EPHA5: variants seen among roughly 807,000 people sequenced by gnomAD.
EPHA5 encodes the protein ephrin type-A receptor 5.
Under a neutral mutation model 105.0 loss-of-function variants are expected in EPHA5, and 60 were observed. The ratio of observed to expected loss-of-function variants is 0.57; its 90% CI spans 0.46 to 0.71. EPHA5 has a LOEUF of 0.71. Ranked by LOEUF, EPHA5 falls within the 30% of genes least tolerant of loss-of-function variation. The pLI is 0.00. For synonymous variants in EPHA5, 513 were observed against 449.1 expected (o/e 1.14, Z -1.80); for missense variants, 1,218 against 1,274.7 (o/e 0.96, Z 0.68).
At chr4:65,622,045 C>T (rs1745747455) in intron 2 of EPHA5, among the ~76,000 whole-genome samples, 1 of 152,094 alleles carries the variant, frequency 6.6e-6, no homozygotes, top group South Asian at 2.1e-4. Flanking sequence ...ATGATTAAAA[C>T]TTCGAAGAGT....
chr4:65,449,909 C>T (rs1481742739), intron 5 of EPHA5, among the ~76,000 whole-genome samples: 1 of 151,876 alleles, frequency 6.6e-6, no homozygotes, highest in East Asian at 1.9e-4. Context: ...TCAGAGAGAT[C>T]AGGGCTCTGT....
At chr4:65,475,050 C>T (rs1260958148) in intron 5 of EPHA5, among the ~76,000 whole-genome samples, 1 of 151,932 alleles carries the variant, frequency 6.6e-6, no homozygotes, top group Non-Finnish European at 1.5e-5. Flanking sequence ...AAAATAGAGA[C>T]TAAAAAAGAT....
At position 65,324,314 on chromosome 4, in the gene EPHA5, T is replaced by G; in HGVS notation, c.2946-95A>C. On this transcript the variant is annotated intron_variant, in intron 16 of 16. Transcript: ENST00000613740. ...AAAGGGGCAAACATAGTGCAGACAC[T>G]AGTTAGATTACAGTCCTAATTTAGA... The G allele has an allele frequency of 5.3e-6, 4 of 757,692 alleles. No homozygotes were observed. In the Admixed American group the frequency reaches 9.1e-5, roughly 17 times the overall value. 46.9% of individuals were successfully genotyped at this position (757,692 alleles called of 1,614,324 possible).
chr4:65,471,312 A>G (rs1560575100), intron 5 of EPHA5, among the ~76,000 whole-genome samples: 3 of 152,226 alleles, frequency 2.0e-5, no homozygotes, highest in Admixed American at 1.3e-4. Flanking sequence ...AATGTTTAAA[A>G]TTATTCAGTC....
intron 1 of EPHA5, among the ~76,000 whole-genome samples, chr4:65,667,327 G>T (rs1750049602): frequency 6.6e-6 from 1 of 152,174 alleles, no homozygotes; most frequent in South Asian, 2.1e-4. Context: ...ATGGAAAACT[G>T]CTCAGCTGAG....
chr4:65,495,568 G>A (rs1040775970), intron 3 of EPHA5, 25 bp from the exon 4 acceptor site: 2 of 1,591,946 alleles, frequency 1.3e-6, no homozygotes, highest in Non-Finnish European at 8.6e-7. Flanking sequence ...AAGAGACTAA[G>A]CTTTTCCCTG....
At chr4:65,549,778 A>T (rs1737721784) in intron 3 of EPHA5, among the ~76,000 whole-genome samples, 1 of 152,132 alleles carries the variant, frequency 6.6e-6, no homozygotes, top group Admixed American at 6.5e-5. Context: ...CACATAGAAA[A>T]ATTTCTGTTA....
chr4:65,555,104 C>T (rs568739520), intron 3 of EPHA5, among the ~76,000 whole-genome samples: 4 of 149,410 alleles, frequency 2.7e-5, no homozygotes, highest in Middle Eastern at 3.6e-3. Flanking sequence ...GAATTCATTT[C>T]CACTATACCA....
chr4:65,537,433 A>T (rs1578367825), intron 3 of EPHA5, among the ~76,000 whole-genome samples: 1 of 151,830 alleles, frequency 6.6e-6, no homozygotes, highest in Non-Finnish European at 1.5e-5. Context: ...CTGTAGCAAA[A>T]CCTGCCAGAG....
intron 7 of EPHA5, among the ~76,000 whole-genome samples, chr4:65,405,290 A>G (rs1722256010): frequency 6.6e-6 from 1 of 152,008 alleles, no homozygotes; most frequent in African/African-American, 2.4e-5. Flanking sequence ...AACGCCTTAT[A>G]GGGCAAAATA....
Position 65,669,599 on chromosome 4 carries a change from G to C in EPHA5, c.144C>G (p.Ala48=). Residue 48 remains alanine, a synonymous_variant, in exon 1 of 17, where the codon GCC becomes GCG. Coordinates refer to ENST00000613740, the MANE Select transcript of EPHA5 (RefSeq NM_001281766.3). ...GGCTGGCCAGGAGGGTCCGGAGTGC[G>C]GCGCACAGGAGAAGGCACGTCCAGA... ...APLWTCLLLC[A]ALRTLLASPS... 1 of 1,434,290 alleles carries C rather than the reference G, an allele frequency of 7.0e-7. No homozygotes were observed. Among genetic ancestry groups the C allele is most frequent in the African/African-American group, 1.5e-5 (1 of 68,154 alleles). 88.8% of individuals were successfully genotyped at this position (1,434,290 alleles called of 1,614,324 possible). A position where few individuals can be genotyped will look rare whatever the true frequency, so the allele number is the denominator to read the frequency against.
intron 5 of EPHA5, among the ~76,000 whole-genome samples, chr4:65,487,840 T>C (rs868478709): frequency 6.6e-6 from 1 of 152,194 alleles, no homozygotes; most frequent in South Asian, 2.1e-4. Context: ...AAACTCTTTT[T>C]CTGTTGCAAT....
intron 5 of EPHA5, among the ~76,000 whole-genome samples, chr4:65,466,180 G>A (rs1728701627): frequency 6.6e-6 from 1 of 152,228 alleles, no homozygotes; most frequent in African/African-American, 2.4e-5. Flanking sequence ...AGGATGGTCT[G>A]AAAACACTTT....
intron 3 of EPHA5, among the ~76,000 whole-genome samples, chr4:65,506,256 A>G (rs566101447): frequency 2.4e-3 from 364 of 152,018 alleles, no homozygotes; most frequent in African/African-American, 8.4e-3. Flanking sequence ...TCATTGTTGG[A>G]CATTTGGGTT....
intron 3 of EPHA5, chr4:65,574,216 C>T (rs1740552916): frequency 6.2e-7 from 1 of 1,603,034 alleles, no homozygotes; most frequent in Admixed American, 1.7e-5. Context: ...GATCAGAAAG[C>T]TGTGGACTCA....
chr4:65,638,825 C>A (rs559658545), intron 2 of EPHA5, among the ~76,000 whole-genome samples: 2 of 152,212 alleles, frequency 1.3e-5, no homozygotes, highest in Admixed American at 1.3e-4. Context: ...AGGACAGGGA[C>A]CCTCCTCTTA....
At chr4:65,524,643 T>A (rs531935182) in intron 3 of EPHA5, among the ~76,000 whole-genome samples, 21 of 151,918 alleles carry the variant, frequency 1.4e-4, no homozygotes, top group Non-Finnish European at 2.8e-4. Context: ...AGCTTCTAGA[T>A]GAAGGAAGTT....
intron 3 of EPHA5, among the ~76,000 whole-genome samples, chr4:65,583,025 T>C (rs4860689): frequency 0.25 from 37,815 of 151,444 alleles, 5,282 homozygotes; most frequent in East Asian, 0.47. Flanking sequence ...AATTGAATTC[T>C]TATTAAATTT....
intron 3 of EPHA5, among the ~76,000 whole-genome samples, chr4:65,568,543 C>T (rs1739796024): frequency 6.6e-6 from 1 of 150,390 alleles, no homozygotes; most frequent in Non-Finnish European, 1.5e-5. Flanking sequence ...CAACGCATCC[C>T]TTTTTTTTAA....
Sources: gnomAD v4.1 joint callset for allele counts (sites outside exome capture counted in the v4.1 genomes callset) on GRCh38, gnomAD v4.1.1 for gene constraint, MANE v1.5 for transcripts, NCBI Gene and HGNC (gene_info 2026-07-23, HGNC 2026-07-21) for gene names.